CACNA2D3: variants seen among roughly 807,000 people sequenced by gnomAD.
CACNA2D3 encodes voltage-dependent calcium channel subunit alpha-2/delta-3.
CACNA2D3 carries 60 observed loss-of-function variants against 160.6 expected under a neutral mutation model. The ratio of observed to expected loss-of-function variants is 0.37; its 90% CI spans 0.30 to 0.46. CACNA2D3 has a LOEUF of 0.46. CACNA2D3 is among the 20% of genes least tolerant of loss of function. The probability of loss-of-function intolerance (pLI) is 1.00; values close to 1 mark genes in which losing one functional copy is unlikely to be tolerated. For missense variants in CACNA2D3, 1,205 were observed against 1,365.0 expected (o/e 0.88, Z 1.85); for synonymous variants, 558 against 492.9 (o/e 1.13, Z -1.75).
At chr3:54,634,743 T>A (rs1699326726) in intron 10 of CACNA2D3, among the ~76,000 whole-genome samples, 1 of 152,176 alleles carries the variant, frequency 6.6e-6, no homozygotes, top group East Asian at 1.9e-4. Context: ...AAAAGGACTT[T>A]CACAAGGTAA....
intron 3 of CACNA2D3, among the ~76,000 whole-genome samples, chr3:54,354,935 G>C (rs1698623614): frequency 6.6e-6 from 1 of 152,214 alleles, no homozygotes; most frequent in African/African-American, 2.4e-5. Flanking sequence ...ATGTATTGAA[G>C]GATGGCTTAT....
At chr3:54,343,202 C>T (rs1034165822) in intron 3 of CACNA2D3, among the ~76,000 whole-genome samples, 1 of 152,136 alleles carries the variant, frequency 6.6e-6, no homozygotes, top group Non-Finnish European at 1.5e-5. Context: ...CCCCCTCCCA[C>T]GAGGAGATTG....
chr3:54,756,722 C>A (rs973824700), intron 12 of CACNA2D3, among the ~76,000 whole-genome samples: 7 of 152,124 alleles, frequency 4.6e-5, no homozygotes, highest in Non-Finnish European at 1.0e-4. Context: ...CAAGGACCTG[C>A]TATCAGTGCA....
intron 18 of CACNA2D3, chr3:54,875,458 C>A (rs1363658417): frequency 6.6e-6 from 1 of 152,222 alleles, no homozygotes; most frequent in African/African-American, 2.4e-5. Flanking sequence ...TGCCTGTGCA[C>A]CAGAAAAGGT....
intron 9 of CACNA2D3, chr3:54,626,219 C>T: frequency 2.2e-6 from 2 of 904,796 alleles, no homozygotes; most frequent in East Asian, 2.6e-5. Flanking sequence ...GGCAAGATGG[C>T]AGAAGTAGAG....
At chr3:54,439,387 A>G (rs561804455) in intron 4 of CACNA2D3, among the ~76,000 whole-genome samples, 5 of 152,188 alleles carry the variant, frequency 3.3e-5, no homozygotes, top group Admixed American at 1.3e-4. Flanking sequence ...CAGAATAATC[A>G]GGCCTCCTGA....
chr3:54,737,023 G>T (rs2107031130), intron 11 of CACNA2D3, among the ~76,000 whole-genome samples: 1 of 152,216 alleles, frequency 6.6e-6, no homozygotes, highest in East Asian at 1.9e-4. Context: ...CTTTTAGCAT[G>T]TTCTTACTCC....
intron 27 of CACNA2D3, among the ~76,000 whole-genome samples, chr3:54,958,565 G>C (rs1244969016): frequency 6.6e-6 from 1 of 152,160 alleles, no homozygotes; most frequent in African/African-American, 2.4e-5. Context: ...GTTGGGATTG[G>C]GACGTCTCCT....
intron 4 of CACNA2D3, among the ~76,000 whole-genome samples, chr3:54,403,689 G>GA (rs1441487078): frequency 6.6e-6 from 1 of 151,870 alleles, no homozygotes; most frequent in Non-Finnish European, 1.5e-5. Flanking sequence ...AAAAACCATA[G>GA]AAAAAATTAA....
chr3:54,809,949 T>TGC (rs1251247097), intron 13 of CACNA2D3, among the ~76,000 whole-genome samples: 1 of 152,118 alleles, frequency 6.6e-6, no homozygotes, highest in Non-Finnish European at 1.5e-5. Flanking sequence ...AAGAGGAAGA[T>TGC]TACACAGTGC....
chr3:54,830,593 A>G (rs1703853122), intron 14 of CACNA2D3, among the ~76,000 whole-genome samples: 1 of 151,446 alleles, frequency 6.6e-6, no homozygotes, highest in Admixed American at 6.6e-5. Context: ...AGCTGGGATT[A>G]CAGGAGTGCC....
At chr3:54,889,549 T>A (rs185595642) in intron 24 of CACNA2D3, among the ~76,000 whole-genome samples, 183 of 152,256 alleles carry the variant, frequency 1.2e-3, no homozygotes, top group African/African-American at 4.0e-3. Flanking sequence ...GGGCAGACGG[T>A]GCTATTTGCT....
At chr3:54,658,202 A>C (rs564337294) in intron 11 of CACNA2D3, among the ~76,000 whole-genome samples, 1 of 152,322 alleles carries the variant, frequency 6.6e-6, no homozygotes, top group African/African-American at 2.4e-5. Flanking sequence ...TATACCAAGA[A>C]GTGGGATTGC....
At chr3:54,330,388 C>G (rs1258594336) in intron 3 of CACNA2D3, among the ~76,000 whole-genome samples, 1 of 151,918 alleles carries the variant, frequency 6.6e-6, no homozygotes. Context: ...CTGCAAAGCC[C>G]GTGATGGATG....
intron 11 of CACNA2D3, among the ~76,000 whole-genome samples, chr3:54,716,584 G>T (rs538028863): frequency 1.6e-4 from 25 of 152,262 alleles, no homozygotes; most frequent in Non-Finnish European, 2.8e-4. Context: ...CTCTGGGTGG[G>T]TGGGGGAGGA....
chr3:54,681,092 A>C (rs1700337488), intron 11 of CACNA2D3, among the ~76,000 whole-genome samples: 1 of 151,836 alleles, frequency 6.6e-6, no homozygotes, highest in African/African-American at 2.4e-5. Flanking sequence ...CCCATTTTTA[A>C]AATTTTCCTC....
chr3:54,880,826 G>A lies in CACNA2D3; in HGVS notation c.1875G>A (p.Gly625=), dbSNP rs775916594. 1.9e-6 allele frequency: 3 copies of A among 1,613,788 alleles called. No homozygotes were observed. The highest frequency in any genetic ancestry group is 2.5e-6 in the Non-Finnish European group (3 of 1,179,832). The change falls in exon 21 of 38, where the codon GGG becomes GGA. Residue 625 remains glycine, a synonymous_variant. Transcript: ENST00000474759. ...SLGVALSRGH[G]KYFFRGNVTI... is the part of the protein sequence containing the mutation. ...GTGTGGCGCTTTCCAGAGGTCATGGGAAATATTTCTTCCGAGGGAATGTAA... is the reference window on the plus strand; with the variant it reads ...GTGTGGCGCTTTCCAGAGGTCATGGAAAATATTTCTTCCGAGGGAATGTAA...
Position 54,901,290 on chromosome 3 carries a change from C to A in CACNA2D3, c.2449+1422C>A, listed in dbSNP as rs146480156. 133 of 152,228 alleles carry A rather than the reference C, an allele frequency of 8.7e-4. 1 individual carries two copies. The highest frequency in any genetic ancestry group is 3.2e-3 in the African/African-American group (131 of 41,534). The allele number at this position is 152,228 out of a possible 1,614,324, so 9.4% of individuals were successfully genotyped here. A position where few individuals can be genotyped will look rare whatever the true frequency, so the allele number is the denominator to read the frequency against. On this transcript the variant is annotated intron_variant, in intron 27 of 37. Transcript: ENST00000474759. ...TCTGTTTGAAATTTCTTTTTAAAAC[C>A]CTTTCTTTGGGTTTCTAGTTTAGTC... is the stretch of plus-strand genomic sequence containing the variant.
rs1276147352 is a variant in CACNA2D3, at chr3:54,736,162, CACAG to C, written c.1168-16433_1168-16430del. Among the ~76,000 whole-genome samples the C allele has an allele frequency of 2.2e-3, 221 of 98,662 alleles. 5 individuals carry two copies. The highest frequency in any genetic ancestry group is 4.3e-3 in the East Asian group (21 of 4,924). The allele number at this position is 98,662 out of a possible 152,430, so 64.7% of individuals were successfully genotyped here. A position where few individuals can be genotyped will look rare whatever the true frequency, so the allele number is the denominator to read the frequency against. On this transcript the variant is annotated intron_variant, in intron 11 of 37. Coordinates refer to ENST00000474759, the MANE Select transcript of CACNA2D3 (RefSeq NM_018398.3). ...ATATACACACACACACACACACACACACAGACACACATAAATGGGATCAGACTGT... is the reference window on the plus strand; with the variant it reads ...ATATACACACACACACACACACACACACACACATAAATGGGATCAGACTGT...
Sources: gnomAD v4.1 joint callset for allele counts (sites outside exome capture counted in the v4.1 genomes callset) on GRCh38, gnomAD v4.1.1 for gene constraint, MANE v1.5 for transcripts, NCBI Gene and HGNC (gene_info 2026-07-23, HGNC 2026-07-21) for gene names.